SRPK2: variants seen among roughly 807,000 people sequenced by gnomAD.
SRPK2 encodes SRSF protein kinase 2, also known as SFRS protein kinase 2.
SRPK2 carries 21 observed loss-of-function variants against 90.8 expected under a neutral mutation model. That is an observed-to-expected ratio of 0.23 (90% CI 0.16 to 0.33). The LOEUF (loss-of-function observed/expected upper bound fraction) is 0.33, where lower values mean the gene tolerates loss of function less well. Among genes scored for constraint, SRPK2 ranks in the 10% least tolerant of loss-of-function variants. The pLI, the probability that SRPK2 is intolerant of heterozygous loss-of-function variation, is 1.00. For missense variants in SRPK2, 620 were observed against 869.0 expected, an observed-to-expected ratio of 0.71 and a Z score of 3.60; for synonymous variants, 288 against 311.1, an observed-to-expected ratio of 0.93 and a Z score of 0.78.
intron 2 of SRPK2, among the ~76,000 whole-genome samples, chr7:105,248,593 C>A (rs1802042141): frequency 6.6e-6 from 1 of 151,400 alleles, no homozygotes; most frequent in Non-Finnish European, 1.5e-5. Context: ...CAGAGCAAGA[C>A]CCTACCTCTT....
intron 2 of SRPK2, among the ~76,000 whole-genome samples, chr7:105,300,307 G>T (rs1585609856): frequency 6.8e-6 from 1 of 148,046 alleles, no homozygotes; most frequent in East Asian, 2.0e-4. Flanking sequence ...AGAACACTAT[G>T]TGCACATAGA....
chr7:105,300,440 G>A (rs1270140372), intron 2 of SRPK2, among the ~76,000 whole-genome samples: 1 of 152,064 alleles, frequency 6.6e-6, no homozygotes, highest in Admixed American at 6.5e-5. Flanking sequence ...TATGGAAACA[G>A]AAGAATAGCC....
At chr7:105,138,110 T>C (rs570821670) in intron 11 of SRPK2, among the ~76,000 whole-genome samples, 2 of 152,336 alleles carry the variant, frequency 1.3e-5, no homozygotes, top group African/African-American at 2.4e-5. Context: ...GTATGTGTGT[T>C]GGACACAGTA....
In SRPK2 at chr7:105,132,869, C is replaced by T. The variant is rs771128091; in HGVS notation, c.1674G>A (p.Thr558=). ...AAACCTCTATGGAGCGGTACTGACG[C>T]GTCTGGATGTCTTCCGTGAAGTGTT... ...VHKHFTEDIQ[T]RQYRSIEVLI... Residue 558 remains threonine, a synonymous_variant, in exon 13 of 16, where the codon ACG becomes ACA. Coordinates refer to ENST00000393651, the MANE Select transcript of SRPK2 (RefSeq NM_182692.3). 7 of 1,611,776 alleles carry T rather than the reference C, an allele frequency of 4.3e-6. No individual in the cohort carries two copies. The highest frequency in any genetic ancestry group is 2.2e-5 in the East Asian group (1 of 44,796).
intron 2 of SRPK2, among the ~76,000 whole-genome samples, chr7:105,239,598 T>A (rs1800553663): frequency 6.6e-6 from 1 of 152,142 alleles, no homozygotes; most frequent in Non-Finnish European, 1.5e-5. Flanking sequence ...TCAAACATAC[T>A]CCTAGGAGCT....
At chr7:105,370,394 T>C (rs910768522) in intron 2 of SRPK2, among the ~76,000 whole-genome samples, 1 of 152,106 alleles carries the variant, frequency 6.6e-6, no homozygotes, top group Non-Finnish European at 1.5e-5. Flanking sequence ...GTTCACAAAG[T>C]TGAATGACAG....
intron 2 of SRPK2, among the ~76,000 whole-genome samples, chr7:105,303,709 T>C (rs1810837266): frequency 6.6e-6 from 1 of 152,180 alleles, no homozygotes; most frequent in Non-Finnish European, 1.5e-5. Context: ...TCTGATCCCT[T>C]AAATCAAGTC....
rs190877611 is a variant in SRPK2, at chr7:105,179,755, G to A, written c.230-10490C>T. Among the ~76,000 whole-genome samples, 681 of 148,528 alleles carry A rather than the reference G, an allele frequency of 4.6e-3. 4 individuals carry two copies. The highest frequency in any genetic ancestry group is 0.017 in the Middle Eastern group (5 of 292). On this transcript the variant is annotated intron_variant, in intron 3 of 15. Transcript: ENST00000393651. ...CAGGAGAATCACTTGAACCCAGGAG[G>A]CAGAGGTTGCAGTGAGCTGAGATTG...
chr7:105,283,213 C>A (rs1807577126), intron 2 of SRPK2, among the ~76,000 whole-genome samples: 1 of 152,198 alleles, frequency 6.6e-6, no homozygotes, highest in Non-Finnish European at 1.5e-5. Flanking sequence ...AATGGTGCAG[C>A]TTTGGAAACA....
chr7:105,387,132 A>G (rs981052993), intron 2 of SRPK2, among the ~76,000 whole-genome samples: 2 of 152,254 alleles, frequency 1.3e-5, no homozygotes, highest in Non-Finnish European at 2.9e-5. Context: ...CTATTTGTAT[A>G]TACATGCACA....
intron 2 of SRPK2, among the ~76,000 whole-genome samples, chr7:105,214,462 A>G (rs1396514677): frequency 6.6e-6 from 1 of 152,218 alleles, no homozygotes; most frequent in Non-Finnish European, 1.5e-5. Flanking sequence ...AATTCACCTT[A>G]GTGATACACA....
chr7:105,204,444 T>C (rs1795948227), intron 2 of SRPK2, among the ~76,000 whole-genome samples: 1 of 152,196 alleles, frequency 6.6e-6, no homozygotes, highest in Admixed American at 6.5e-5. Flanking sequence ...CAGGGCTCTA[T>C]GAGGAGAATG....
intron 2 of SRPK2, among the ~76,000 whole-genome samples, chr7:105,322,567 G>T (rs1160250236): frequency 6.6e-6 from 1 of 152,178 alleles, no homozygotes; most frequent in Non-Finnish European, 1.5e-5. Flanking sequence ...TGGCTCCCAG[G>T]AGTTGGGGGA....
At chr7:105,381,215 G>C (rs1448538200) in intron 2 of SRPK2, among the ~76,000 whole-genome samples, 1 of 151,614 alleles carries the variant, frequency 6.6e-6, no homozygotes, top group Non-Finnish European at 1.5e-5. Context: ...CTGCATTCCT[G>C]TCTGGGTGAC....
At chr7:105,170,502 G>A (rs547520677) in intron 3 of SRPK2, among the ~76,000 whole-genome samples, 2 of 151,888 alleles carry the variant, frequency 1.3e-5, no homozygotes, top group South Asian at 4.2e-4. Context: ...AGACCAGCCT[G>A]GCCAACACGG....
upstream of SRPK2, chr7:105,389,431 C>T: frequency 1.7e-6 from 2 of 1,198,676 alleles, no homozygotes; most frequent in Non-Finnish European, 2.1e-6. Flanking sequence ...AGCTGGGAAA[C>T]CTGGGTCCGC....
intron 2 of SRPK2, among the ~76,000 whole-genome samples, chr7:105,287,259 T>TAAAAAA (rs71520909): frequency 1.5e-4 from 9 of 58,860 alleles, no homozygotes; most frequent in African/African-American, 6.6e-4. Context: ...AGACTCCGTC[T>TAAAAAA]AAAAAAAAAA....
intron 2 of SRPK2, among the ~76,000 whole-genome samples, chr7:105,341,267 G>C (rs1227201707): frequency 6.7e-6 from 1 of 148,250 alleles, no homozygotes; most frequent in Non-Finnish European, 1.5e-5. Context: ...AGGAGGCTGA[G>C]GCAAGAGAAT....
intron 2 of SRPK2, among the ~76,000 whole-genome samples, chr7:105,308,301 ACCT>A (rs1811353222): frequency 6.6e-6 from 1 of 152,124 alleles, no homozygotes; most frequent in Non-Finnish European, 1.5e-5. Context: ...CTCTTATGCT[ACCT>A]CCCAAGCATT....
Sources: allele counts gnomAD v4.1 joint callset (sites outside exome capture counted in the v4.1 genomes callset), GRCh38; gene constraint gnomAD v4.1.1; transcripts MANE v1.5; gene names NCBI Gene and HGNC (gene_info 2026-07-23, HGNC 2026-07-21).